FUT9: variants seen among roughly 807,000 people sequenced by gnomAD.
FUT9 encodes the protein fucosyltransferase 9, also known as 4-galactosyl-N-acetylglucosaminide 3-alpha-L-fucosyltransferase 9.
In FUT9, 15 loss-of-function variants were observed where a neutral mutation model predicts 29.7. That is an observed-to-expected ratio of 0.51 (90% CI 0.34 to 0.78). FUT9 has a LOEUF of 0.78. Ranked by LOEUF, FUT9 falls within the 30% of genes least tolerant of loss-of-function variation. The pLI, the probability that FUT9 is intolerant of heterozygous loss-of-function variation, is 0.01. For missense variants in FUT9, 319 were observed against 425.4 expected, an observed-to-expected ratio of 0.75 and a Z score of 2.20; for synonymous variants, 169 against 153.7, an observed-to-expected ratio of 1.10 and a Z score of -0.74.
At position 96,124,896 on chromosome 6, in the gene FUT9, T is replaced by C. The variant is rs546123502; in HGVS notation, c.-9+10769T>C. ...TTCGTCCTGGTTAACTTATTCCAAA[T>C]AATGTCTCTATCTTGCATTCTGTCT... On this transcript the variant is annotated intron_variant, in intron 2 of 2. Transcript: ENST00000302103. 5.9e-5 allele frequency among the ~76,000 whole-genome samples: 9 copies of C among 152,346 alleles called. No homozygotes were observed. The South Asian group carries it at 1.9e-3, about 32-fold the overall frequency.
intron 2 of FUT9, among the ~76,000 whole-genome samples, chr6:96,200,091 A>T (rs892966619): frequency 6.6e-6 from 1 of 152,126 alleles, no homozygotes; most frequent in African/African-American, 2.4e-5. Flanking sequence ...CAAGTCACTT[A>T]ATCATTTTGG....
At chr6:96,089,210 T>C (rs550246807) in intron 1 of FUT9, among the ~76,000 whole-genome samples, 1 of 152,316 alleles carries the variant, frequency 6.6e-6, no homozygotes, top group East Asian at 1.9e-4. Flanking sequence ...ATTTGCTGAT[T>C]AATACTCAGC....
At chr6:96,185,880 C>T (rs1773397357) in intron 2 of FUT9, among the ~76,000 whole-genome samples, 1 of 151,966 alleles carries the variant, frequency 6.6e-6, no homozygotes, top group African/African-American at 2.4e-5. Flanking sequence ...TATAAGATGA[C>T]CCTTGAGGAT....
At chr6:96,161,653 C>A (rs1382277326) in intron 2 of FUT9, among the ~76,000 whole-genome samples, 1 of 152,126 alleles carries the variant, frequency 6.6e-6, no homozygotes, top group Non-Finnish European at 1.5e-5. Context: ...CTTACGGGAT[C>A]TAAAATACAG....
rs192936484 is a variant in FUT9 at position 96,054,224 on chromosome 6, T to A, written c.-98+38012T>A. ...CAATCAACTCTTCTTTACTAAGTCT[T>A]TACTCTGAGCTGGGTATTGTGCCCA... On this transcript the variant is annotated intron_variant, in intron 1 of 2. Transcript: ENST00000302103. Among the ~76,000 whole-genome samples, 539 of 152,306 alleles carry A rather than the reference T, an allele frequency of 3.5e-3. 6 individuals are homozygous for A. The highest frequency in any genetic ancestry group is 0.012 in the African/African-American group (511 of 41,586).
At chr6:96,065,620 T>TA (rs772238195) in intron 1 of FUT9, among the ~76,000 whole-genome samples, 4 of 152,038 alleles carry the variant, frequency 2.6e-5, no homozygotes, top group Non-Finnish European at 4.4e-5. Context: ...AAATGTGAAT[T>TA]AAAAAAAATT....
chr6:96,187,308 T>G (rs1773422366), intron 2 of FUT9, among the ~76,000 whole-genome samples: 2 of 152,138 alleles, frequency 1.3e-5, no homozygotes, highest in Non-Finnish European at 2.9e-5. Context: ...TTGATTCAGA[T>G]AGTCAGTTTT....
chr6:96,071,174 A>T (rs1360368970), intron 1 of FUT9, among the ~76,000 whole-genome samples: 2 of 152,210 alleles, frequency 1.3e-5, no homozygotes, highest in African/African-American at 4.8e-5. Context: ...ACTTTTTAGA[A>T]TTAGGATGGA....
chr6:96,107,050 C>T (rs573886108), intron 1 of FUT9, among the ~76,000 whole-genome samples: 230 of 152,206 alleles, frequency 1.5e-3, no homozygotes, highest in Non-Finnish European at 1.9e-3. Context: ...TTGAATTTGC[C>T]TCCTGGCCTA....
intron 2 of FUT9, among the ~76,000 whole-genome samples, chr6:96,149,313 A>C (rs1772634282): frequency 6.8e-6 from 1 of 147,768 alleles, no homozygotes; most frequent in Non-Finnish European, 1.5e-5. Flanking sequence ...ACTAATTTAG[A>C]TGACATGTAA....
At chr6:96,124,190 C>T (rs1261277466) in intron 2 of FUT9, among the ~76,000 whole-genome samples, 4 of 132,986 alleles carry the variant, frequency 3.0e-5, no homozygotes, top group African/African-American at 8.7e-5. Context: ...TTGGCTCTGT[C>T]GCCCAGGCTG....
chr6:96,191,118 G>A (rs1773499771), intron 2 of FUT9, among the ~76,000 whole-genome samples: 2 of 152,020 alleles, frequency 1.3e-5, no homozygotes, highest in Non-Finnish European at 2.9e-5. Context: ...CCTTCTAACA[G>A]TCAAGACCCT....
chr6:96,094,352 CT>C (rs779178701), intron 1 of FUT9, among the ~76,000 whole-genome samples: 5 of 152,096 alleles, frequency 3.3e-5, no homozygotes, highest in Non-Finnish European at 5.9e-5. Context: ...AGTAACCTTT[CT>C]TTTACTTAAT....
chr6:96,138,873 T>G (rs1404547226), intron 2 of FUT9, among the ~76,000 whole-genome samples: 1 of 152,162 alleles, frequency 6.6e-6, no homozygotes, highest in East Asian at 1.9e-4. Flanking sequence ...GTATGGAGCT[T>G]TCAGGTAAAA....
At chr6:96,017,303 C>T (rs531263390) in intron 1 of FUT9, among the ~76,000 whole-genome samples, 2 of 152,312 alleles carry the variant, frequency 1.3e-5, no homozygotes, top group East Asian at 3.9e-4. Context: ...TATTTGGGTG[C>T]TTCCAGAGTT....
chr6:96,199,554 A>C (rs990244315), intron 2 of FUT9, among the ~76,000 whole-genome samples: 2 of 152,082 alleles, frequency 1.3e-5, no homozygotes, highest in African/African-American at 4.8e-5. Context: ...GGCTAATGAG[A>C]GAGAGAGAGA....
At chr6:96,084,123 C>T (rs771023907) in intron 1 of FUT9, among the ~76,000 whole-genome samples, 9 of 152,044 alleles carry the variant, frequency 5.9e-5, no homozygotes, top group South Asian at 2.1e-4. Context: ...AACAAGAAGG[C>T]GCTTAGGAAC....
intron 2 of FUT9, among the ~76,000 whole-genome samples, chr6:96,120,644 C>A (rs553338081): frequency 8.0e-6 from 1 of 124,926 alleles, no homozygotes; most frequent in Non-Finnish European, 1.6e-5. Context: ...TTCTACTATT[C>A]TGCCTGGTGA....
intron 1 of FUT9, among the ~76,000 whole-genome samples, chr6:96,095,111 CATCTGTGAAGCCATCT>C (rs1043787020): frequency 3.9e-5 from 6 of 152,162 alleles, no homozygotes; most frequent in African/African-American, 1.4e-4. Context: ...AATGTCACAT[CATCTGTGAAGCCATCT>C]ATTAACCCTT....
Sources: gnomAD v4.1 joint callset for allele counts (sites outside exome capture counted in the v4.1 genomes callset) on GRCh38, gnomAD v4.1.1 for gene constraint, MANE v1.5 for transcripts, NCBI Gene and HGNC (gene_info 2026-07-23, HGNC 2026-07-21) for gene names.